The following LRP1B variants were observed in gnomAD, a reference collection of about 807,000 sequenced individuals.
LRP1B encodes the protein LDL receptor related protein 1B.
A neutral mutation model predicts 556.6 loss-of-function variants in LRP1B; 217 were observed. That is an observed-to-expected ratio of 0.39 (90% CI 0.35 to 0.44). The LOEUF is 0.44. Among genes scored for constraint, LRP1B ranks in the 20% least tolerant of loss-of-function variants. LRP1B has a pLI of 1.00. For synonymous variants in LRP1B, 2,047 were observed against 1,865.8 expected (o/e 1.10, Z -2.50); for missense variants, 5,053 against 5,620.8 (o/e 0.90, Z 3.23).
chr2:140,249,923 A>C (rs1681331817), intron 86 of LRP1B, among the ~76,000 whole-genome samples: 1 of 151,900 alleles, frequency 6.6e-6, no homozygotes, highest in Admixed American at 6.6e-5. Flanking sequence ...TGTGCAGATC[A>C]TCAAAATCTC....
At chr2:141,020,159 T>C in intron 11 of LRP1B, 57 bp from the exon 12 acceptor site, 1 of 1,136,956 alleles carries the variant, frequency 8.8e-7, no homozygotes, top group Non-Finnish European at 1.2e-6. Flanking sequence ...GTAAAATTAG[T>C]GTTCACTACT....
At chr2:142,024,515 T>G (rs1213073543) in intron 1 of LRP1B, among the ~76,000 whole-genome samples, 1 of 152,070 alleles carries the variant, frequency 6.6e-6, no homozygotes, top group Non-Finnish European at 1.5e-5. Context: ...AAATAAGCAG[T>G]AAGAATTAAA....
At chr2:141,146,998 T>A (rs1701801835) in intron 7 of LRP1B, among the ~76,000 whole-genome samples, 1 of 152,204 alleles carries the variant, frequency 6.6e-6, no homozygotes, top group African/African-American at 2.4e-5. Context: ...AGCATCCTCC[T>A]ACTAGCTTCT....
chr2:140,858,623 G>C (rs966084586), intron 27 of LRP1B, among the ~76,000 whole-genome samples: 1 of 151,668 alleles, frequency 6.6e-6, no homozygotes, highest in African/African-American at 2.4e-5. Flanking sequence ...GGATGTGCAG[G>C]TTTGTTACAT....
At chr2:140,296,926 G>C (rs1253300409) in intron 84 of LRP1B, among the ~76,000 whole-genome samples, 1 of 152,122 alleles carries the variant, frequency 6.6e-6, no homozygotes, top group Non-Finnish European at 1.5e-5. Context: ...TGTTAAAAAA[G>C]AGGAGAGAGT....
chr2:140,742,277 T>A (rs1179823609), intron 35 of LRP1B, among the ~76,000 whole-genome samples: 1 of 152,198 alleles, frequency 6.6e-6, no homozygotes, highest in Non-Finnish European at 1.5e-5. Context: ...TTGAAAGTTA[T>A]GGAAAGATGA....
intron 7 of LRP1B, among the ~76,000 whole-genome samples, chr2:141,063,269 T>C (rs2105470422): frequency 6.6e-6 from 1 of 151,974 alleles, no homozygotes; most frequent in Admixed American, 6.6e-5. Context: ...AGTTTTTAGT[T>C]ACTTTTCTCA....
At chr2:140,584,895 C>G (rs950052637) in intron 43 of LRP1B, among the ~76,000 whole-genome samples, 1 of 150,486 alleles carries the variant, frequency 6.6e-6, no homozygotes, top group Non-Finnish European at 1.5e-5. Context: ...TTTTTAAGCT[C>G]TTTGTTTTTT....
At chr2:140,438,603 T>C (rs1039985486) in intron 66 of LRP1B, among the ~76,000 whole-genome samples, 3 of 152,306 alleles carry the variant, frequency 2.0e-5, no homozygotes, top group Admixed American at 6.5e-5. Context: ...CAGTGTCATG[T>C]TGGGAAAGCC....
intron 3 of LRP1B, among the ~76,000 whole-genome samples, chr2:141,266,343 A>AG (rs1284044379): frequency 2.0e-5 from 3 of 149,766 alleles, no homozygotes; most frequent in Non-Finnish European, 3.0e-5. Flanking sequence ...AAAAAAAAAA[A>AG]GAATATGCAT....
intron 72 of LRP1B, among the ~76,000 whole-genome samples, chr2:140,360,150 T>C (rs770702312): frequency 6.6e-6 from 1 of 151,638 alleles, no homozygotes; most frequent in Non-Finnish European, 1.5e-5. Flanking sequence ...ATTTATCAAT[T>C]TCCTTGAGAA....
chr2:140,617,569 G>GCACTT (rs1333741859), intron 41 of LRP1B, among the ~76,000 whole-genome samples: 4 of 151,790 alleles, frequency 2.6e-5, no homozygotes, highest in Non-Finnish European at 5.9e-5. Context: ...GTTTGTCTTT[G>GCACTT]CACTTCAAGT....
intron 3 of LRP1B, among the ~76,000 whole-genome samples, chr2:141,424,113 C>CTTTTT (rs11465120): frequency 1.5e-5 from 2 of 137,002 alleles, no homozygotes; most frequent in African/African-American, 2.7e-5. Context: ...AAGCCTTCAT[C>CTTTTT]TTTTTTTTTT....
chr2:141,175,622 A>C (rs192517382), intron 7 of LRP1B, among the ~76,000 whole-genome samples: 1 of 152,280 alleles, frequency 6.6e-6, no homozygotes, highest in Non-Finnish European at 1.5e-5. Flanking sequence ...CTGCTGCAGG[A>C]CTGGAGCCCT....
intron 66 of LRP1B, among the ~76,000 whole-genome samples, chr2:140,387,380 A>C (rs900587308): frequency 6.6e-6 from 1 of 152,226 alleles, no homozygotes; most frequent in African/African-American, 2.4e-5. Flanking sequence ...TTTCATACAC[A>C]GAATCATACC....
chr2:140,263,702 C>T (rs1259761342), intron 86 of LRP1B, among the ~76,000 whole-genome samples: 3 of 152,058 alleles, frequency 2.0e-5, no homozygotes, highest in African/African-American at 7.2e-5. Flanking sequence ...GATCACCTTT[C>T]CTCTAGTTTC....
chr2:141,332,867 G>A (rs1425136990), intron 3 of LRP1B, among the ~76,000 whole-genome samples: 2 of 150,260 alleles, frequency 1.3e-5, no homozygotes, highest in African/African-American at 4.9e-5. Context: ...TCACAGTAAA[G>A]TCAGAGATTT....
rs955816069 is a variant in LRP1B, at chr2:141,254,590, A to C, written c.395T>G (p.Val132Gly). 1 of 1,610,996 alleles carries C rather than the reference A, an allele frequency of 6.2e-7. No homozygotes were observed. The highest frequency in any genetic ancestry group is 8.5e-7 in the Non-Finnish European group (1 of 1,177,894). Residue 132 changes from valine (V) to glycine (G), a missense_variant, in exon 4 of 91, where the codon GTC (valine) becomes GGC (glycine). Around this residue, in one of 5 missense-constraint regions of LRP1B, gnomAD observed 3,619 missense variants for 3,931.9 expected, o/e 0.92. Coordinates refer to ENST00000389484, the MANE Select transcript of LRP1B (RefSeq NM_018557.3). ...QLNCQYKCTM[V>G]RNSTRCYCED... The stretch of plus-strand genomic sequence containing the variant: ...ACAGTAACATCTTGTACTATTTCTG[A>C]CCATTGTACATTTATACTGACAATT...
At chr2:140,763,012 C>T (rs1688979300) in intron 35 of LRP1B, among the ~76,000 whole-genome samples, 1 of 152,038 alleles carries the variant, frequency 6.6e-6, no homozygotes, top group Non-Finnish European at 1.5e-5. Flanking sequence ...GGTTGGGTTT[C>T]TGGAAATAAA....
Sources: allele counts gnomAD v4.1 joint callset (sites outside exome capture counted in the v4.1 genomes callset), GRCh38; gene constraint gnomAD v4.1.1; regional missense constraint gnomAD v4.1.1; transcripts MANE v1.5; gene names NCBI Gene and HGNC (gene_info 2026-07-23, HGNC 2026-07-21).